The following SGCZ variants were observed in gnomAD, a reference collection of about 807,000 sequenced individuals.
SGCZ encodes sarcoglycan zeta.
A neutral mutation model predicts 41.3 loss-of-function variants in SGCZ; 40 were observed. The observed-to-expected ratio is 0.97, with a 90% CI of 0.75 to 1.26. SGCZ has a LOEUF of 1.26. Among genes scored for constraint, SGCZ ranks in the 50% most tolerant of loss-of-function variants. The pLI is 0.00. For missense variants in SGCZ, 552 were observed against 369.8 expected, an observed-to-expected ratio of 1.49 and a Z score of -4.04; for synonymous variants, 206 against 137.5, an observed-to-expected ratio of 1.50 and a Z score of -3.49.
At chr8:15,040,639 T>A (rs1169039730) in intron 1 of SGCZ, among the ~76,000 whole-genome samples, 1 of 152,084 alleles carries the variant, frequency 6.6e-6, no homozygotes, top group Non-Finnish European at 1.5e-5. Context: ...AAAAGTGATT[T>A]CACTTCCAAG....
chr8:15,004,336 CAACT>C (rs1349683456), intron 1 of SGCZ, among the ~76,000 whole-genome samples: 1 of 152,024 alleles, frequency 6.6e-6, no homozygotes, highest in Non-Finnish European at 1.5e-5. Flanking sequence ...GCATGTGCAC[CAACT>C]AATAGTAAGG....
At chr8:14,678,189 T>C (rs1048698984) in intron 1 of SGCZ, among the ~76,000 whole-genome samples, 2 of 152,146 alleles carry the variant, frequency 1.3e-5, no homozygotes, top group African/African-American at 2.4e-5. Flanking sequence ...AATTAATAAA[T>C]TGGATTTCAT....
intron 2 of SGCZ, among the ~76,000 whole-genome samples, chr8:14,384,592 C>T (rs1367374058): frequency 6.6e-6 from 1 of 152,176 alleles, no homozygotes; most frequent in African/African-American, 2.4e-5. Context: ...CAAAGTCTCA[C>T]TCTGTTGCCC....
chr8:14,649,512 G>C (rs1320262191), intron 1 of SGCZ, among the ~76,000 whole-genome samples: 1 of 151,424 alleles, frequency 6.6e-6, no homozygotes, highest in Non-Finnish European at 1.5e-5. Flanking sequence ...TGGAAGAACA[G>C]GTCAACGGAA....
In SGCZ at chr8:14,175,537, T is replaced by G. The variant is rs181873646; in HGVS notation, c.425-10835A>C. Among the ~76,000 whole-genome samples, 3 of 152,250 alleles carry G rather than the reference T, an allele frequency of 2.0e-5. No homozygotes were observed. The East Asian group carries it at 5.8e-4, about 29-fold the overall frequency. Reference sequence around the variant, plus strand: ...TGCATTATCCCCAACCATCTTAAGATACAAAGTAATAGACTTTGGTAAATC... The same window carrying G: ...TGCATTATCCCCAACCATCTTAAGAGACAAAGTAATAGACTTTGGTAAATC... On this transcript the variant is annotated intron_variant, in intron 4 of 7. Transcript: ENST00000382080.
chr8:14,793,149 C>T (rs1288201071), intron 1 of SGCZ, among the ~76,000 whole-genome samples: 1 of 152,132 alleles, frequency 6.6e-6, no homozygotes, highest in Non-Finnish European at 1.5e-5. Flanking sequence ...TCTCTCTTTC[C>T]TTCCCAATAT....
chr8:14,169,744 T>C (rs1804318433), intron 4 of SGCZ, among the ~76,000 whole-genome samples: 1 of 152,130 alleles, frequency 6.6e-6, no homozygotes. Flanking sequence ...ACTCCAACAC[T>C]CTCTTGATAC....
intron 1 of SGCZ, among the ~76,000 whole-genome samples, chr8:15,182,205 C>T (rs942086499): frequency 2.6e-5 from 4 of 152,044 alleles, no homozygotes; most frequent in South Asian, 2.1e-4. Flanking sequence ...CAATAATATC[C>T]TTAATTCTTA....
At chr8:14,896,694 C>G (rs1415355190) in intron 1 of SGCZ, among the ~76,000 whole-genome samples, 1 of 151,964 alleles carries the variant, frequency 6.6e-6, no homozygotes, top group African/African-American at 2.4e-5. Flanking sequence ...TCAAGGTAGT[C>G]TCGAACTCCT....
intron 1 of SGCZ, among the ~76,000 whole-genome samples, chr8:14,924,142 T>C (rs982163701): frequency 1.3e-5 from 2 of 152,216 alleles, no homozygotes; most frequent in African/African-American, 4.8e-5. Context: ...GTTCTAAAAA[T>C]CCTTTAGTCT....
intron 1 of SGCZ, among the ~76,000 whole-genome samples, chr8:15,163,262 C>T (rs1419489812): frequency 6.6e-6 from 1 of 152,204 alleles, no homozygotes; most frequent in Non-Finnish European, 1.5e-5. Context: ...CACATTGAAT[C>T]CACACAACGT....
chr8:14,670,338 C>T (rs547255960), intron 1 of SGCZ, among the ~76,000 whole-genome samples: 1 of 152,214 alleles, frequency 6.6e-6, no homozygotes, highest in Non-Finnish European at 1.5e-5. Context: ...AGTAAAATTA[C>T]CTATCTGTAC....
intron 2 of SGCZ, among the ~76,000 whole-genome samples, chr8:14,326,251 C>A (rs1292293329): frequency 6.6e-6 from 1 of 151,238 alleles, no homozygotes; most frequent in Non-Finnish European, 1.5e-5. Flanking sequence ...GGGAAAATAT[C>A]TTTTATGTGT....
intron 1 of SGCZ, among the ~76,000 whole-genome samples, chr8:14,806,038 C>A (rs1801512977): frequency 1.3e-5 from 2 of 151,370 alleles, no homozygotes; most frequent in Admixed American, 6.6e-5. Flanking sequence ...CCAACGAGAA[C>A]AAAGATACAA....
intron 1 of SGCZ, among the ~76,000 whole-genome samples, chr8:14,617,204 TATTA>T (rs1229388718): frequency 6.6e-6 from 1 of 152,174 alleles, no homozygotes; most frequent in Non-Finnish European, 1.5e-5. Flanking sequence ...TAAAAGTAAG[TATTA>T]ATTATTGTCA....
chr8:14,548,782 A>G (rs1277218646), intron 2 of SGCZ, among the ~76,000 whole-genome samples: 4 of 152,140 alleles, frequency 2.6e-5, no homozygotes, highest in Admixed American at 6.6e-5. Flanking sequence ...GAGTTCAGAA[A>G]AATCAGAATA....
chr8:15,032,795 C>T (rs1803725532), intron 1 of SGCZ, among the ~76,000 whole-genome samples: 2 of 152,014 alleles, frequency 1.3e-5, no homozygotes, highest in Admixed American at 1.3e-4. Context: ...GCTCCTACAG[C>T]CCTAGACATC....
intron 2 of SGCZ, among the ~76,000 whole-genome samples, chr8:14,494,758 G>C (rs577853956): frequency 3.4e-4 from 52 of 152,248 alleles, no homozygotes; most frequent in African/African-American, 1.1e-3. Context: ...TGTAACCAGA[G>C]GGAGGTAAAT....
intron 1 of SGCZ, among the ~76,000 whole-genome samples, chr8:14,609,770 TG>T (rs1448614435): frequency 2.0e-5 from 3 of 152,126 alleles, no homozygotes; most frequent in Non-Finnish European, 4.4e-5. Context: ...AGCAGTGGTT[TG>T]TATACATGTC....
Sources: allele counts gnomAD v4.1 joint callset (sites outside exome capture counted in the v4.1 genomes callset), GRCh38; gene constraint gnomAD v4.1.1; transcripts MANE v1.5; gene names NCBI Gene and HGNC (gene_info 2026-07-23, HGNC 2026-07-21).